METTL14: variants seen among roughly 807,000 people sequenced by gnomAD.
METTL14 encodes the protein methyltransferase 14, N6-adenosine-methyltransferase non-catalytic subunit, also known as N(6)-adenosine-methyltransferase non-catalytic subunit METTL14.
Under a neutral mutation model 62.4 loss-of-function variants are expected in METTL14, and 32 were observed. The observed-to-expected ratio is 0.51, with a 90% CI of 0.39 to 0.69. The LOEUF is 0.69. Among genes scored for constraint, METTL14 ranks in the 30% least tolerant of loss-of-function variants. The pLI, the probability that METTL14 is intolerant of heterozygous loss-of-function variation, is 0.00. For missense variants in METTL14, 340 were observed against 551.9 expected, an observed-to-expected ratio of 0.62 and a Z score of 3.85; for synonymous variants, 150 against 180.0, an observed-to-expected ratio of 0.83 and a Z score of 1.34.
intron 6 of METTL14, 101 bp from the exon 7 acceptor site, chr4:118,697,080 TA>T: frequency 1.2e-6 from 1 of 822,066 alleles, no homozygotes; most frequent in Non-Finnish European, 1.9e-6. Flanking sequence ...TGTTTAGTGA[TA>T]TCTAAGACAT....
chr4:118,690,296 C>T (rs1724207740), intron 3 of METTL14, among the ~76,000 whole-genome samples: 1 of 151,712 alleles, frequency 6.6e-6, no homozygotes, highest in South Asian at 2.1e-4. Flanking sequence ...CCTCGGCCTC[C>T]CAAAGTGCTG....
chr4:118,697,288 A>G lies in METTL14; in HGVS notation c.610A>G (p.Ile204Val), dbSNP rs1219084191. 6.2e-7 allele frequency: 1 copy of G among 1,609,758 alleles called. No homozygotes were observed. Among genetic ancestry groups the G allele is most frequent in the African/African-American group, 1.3e-5 (1 of 74,864 alleles). Reference sequence around the variant, plus strand: ...AGAAGAATATTACAGAGAAACTGGCATCACTGCTAATGAAAAATGCTGGAC... The same window carrying G: ...AGAAGAATATTACAGAGAAACTGGCGTCACTGCTAATGAAAAATGCTGGAC... ...PLEEYYRETGITANEKCWTWD... is the reference protein window; with the variant it reads ...PLEEYYRETGVTANEKCWTWD... The change falls in exon 7 of 11, where the codon ATC (isoleucine) becomes GTC (valine). Residue 204 changes from isoleucine (I) to valine (V), a missense_variant. Coordinates refer to ENST00000388822, the MANE Select transcript of METTL14 (RefSeq NM_020961.4).
intron 3 of METTL14, 122 bp downstream of exon 3, chr4:118,689,579 G>T (rs2110464696): frequency 1.9e-6 from 1 of 536,700 alleles, no homozygotes; most frequent in East Asian, 3.2e-5. Context: ...ATAATTGTCA[G>T]TGGCATATGT....
At chr4:118,694,563 T>C in intron 6 of METTL14, 37 bp downstream of exon 6, 1 of 1,487,044 alleles carries the variant, frequency 6.7e-7, no homozygotes, top group Non-Finnish European at 9.4e-7. Flanking sequence ...TATTCCCAAC[T>C]CAGGCTTAAA....
At chr4:118,696,981 TTAAGTC>T (rs929617677) in intron 6 of METTL14, among the ~76,000 whole-genome samples, 195 bp from the exon 7 acceptor site, 3 of 152,156 alleles carry the variant, frequency 2.0e-5, no homozygotes, top group African/African-American at 7.2e-5. Flanking sequence ...GGTAGATCGT[TTAAGTC>T]TATACTGAAG....
At chr4:118,700,353 T>C (rs1213750291) in intron 7 of METTL14, among the ~76,000 whole-genome samples, 197 bp from the exon 8 acceptor site, 1 of 152,190 alleles carries the variant, frequency 6.6e-6, no homozygotes, top group Non-Finnish European at 1.5e-5. Flanking sequence ...CAGGTGTGTA[T>C]GTTGTTTGTA....
chr4:118,690,064 A>C (rs1176498397), intron 3 of METTL14, among the ~76,000 whole-genome samples: 1 of 108,164 alleles, frequency 9.2e-6, no homozygotes, highest in Non-Finnish European at 1.8e-5. Flanking sequence ...TTTGTGAGAC[A>C]GAGTCTCACT....
Position 118,694,516 on chromosome 4 carries a change from A to T in METTL14, c.493A>T (p.Thr165Ser). The T allele has an allele frequency of 6.2e-7, 1 of 1,609,938 alleles. No individual in the cohort carries two copies. The highest frequency in any genetic ancestry group is 1.1e-5 in the South Asian group (1 of 90,584). ...GGATGAGTTAATAGCTAAATCTAAC[A>T]CTCCTCCCATGTAAGTGTTTTTATT... ...LKDELIAKSNTPPMYLQADIE... is the reference protein window; with the variant it reads ...LKDELIAKSNSPPMYLQADIE... Residue 165 changes from threonine to serine, a missense_variant, in exon 6 of 11, where the codon ACT becomes TCT. Coordinates refer to ENST00000388822, the MANE Select transcript of METTL14 (RefSeq NM_020961.4).
At chr4:118,691,919 C>T in intron 4 of METTL14, 62 bp from the exon 5 acceptor site, 1 of 1,050,142 alleles carries the variant, frequency 9.5e-7, no homozygotes, top group Non-Finnish European at 1.5e-6. Context: ...GAAAACAGTA[C>T]AGAGATAATT....
At chr4:118,692,198 C>T (rs1724269290) in intron 5 of METTL14, 130 bp downstream of exon 5, 6 of 579,718 alleles carry the variant, frequency 1.0e-5, no homozygotes, top group Non-Finnish European at 1.8e-5. Context: ...CTCAGTGCTT[C>T]TGGTATACCT....
Position 118,705,800 on chromosome 4 carries a change from A to G in METTL14, c.1045A>G (p.Arg349Gly), listed in dbSNP as rs765264830. 6.2e-7 allele frequency: 1 copy of G among 1,613,768 alleles called. No homozygotes were observed. The highest frequency in any genetic ancestry group is 8.5e-7 in the Non-Finnish European group (1 of 1,179,812). Residue 349 changes from arginine (R) to glycine (G), a missense_variant, in exon 10 of 11, where the codon AGA (arginine) becomes GGA (glycine). By Grantham distance (125) the Arg-to-Gly change is moderately radical. Transcript: ENST00000388822. ...LGRRRLHLFG[R>G]DSTIRPGWLT... ...TAGAAGACGCCTTCATCTATTTGGA[A>G]GAGATAGTACAATTCGACCAGGTAG...
At chr4:118,690,933 G>A (rs112086784) in intron 3 of METTL14, among the ~76,000 whole-genome samples, 2,051 of 152,192 alleles carry the variant, frequency 0.013, 44 homozygotes, top group African/African-American at 0.047. Flanking sequence ...ATAGTTGAAA[G>A]TATTATGGTC....
intron 1 of METTL14, among the ~76,000 whole-genome samples, chr4:118,687,419 TAA>T (rs564368148): frequency 5.8e-4 from 88 of 152,326 alleles, no homozygotes; most frequent in African/African-American, 2.0e-3. Context: ...GGAAATTGGC[TAA>T]AGTGTCTTAT....
chr4:118,702,891 A>G (rs1724639475), intron 8 of METTL14, among the ~76,000 whole-genome samples: 1 of 148,956 alleles, frequency 6.7e-6, no homozygotes, highest in African/African-American at 2.5e-5. Context: ...TTCAGGGGGA[A>G]CTCCCAACAG....
At chr4:118,685,655 G>T in intron 1 of METTL14, 55 bp downstream of exon 1, 2 of 1,489,000 alleles carry the variant, frequency 1.3e-6, no homozygotes, top group East Asian at 2.4e-5. Context: ...GTGCGCGGCC[G>T]CCTCCTCCCT....
At chr4:118,702,196 T>C (rs1158318546) in intron 8 of METTL14, among the ~76,000 whole-genome samples, 1 of 150,860 alleles carries the variant, frequency 6.6e-6, no homozygotes, top group Admixed American at 6.6e-5. Context: ...CTTGGCTCCC[T>C]GCAAAACTCT....
rs990527529 is a variant in METTL14 at position 118,712,043 on chromosome 4, A to T, written c.*1741A>T. 1.3e-5 allele frequency: 2 copies of T among 152,234 alleles called. No individual in the cohort carries two copies. Among genetic ancestry groups the T allele is most frequent in the Non-Finnish European group, 2.9e-5 (2 of 68,046 alleles). 9.4% of individuals were successfully genotyped at this position (152,234 alleles called of 1,614,324 possible). A position where few individuals can be genotyped will look rare whatever the true frequency, so the allele number is the denominator to read the frequency against. On this transcript the variant is annotated 3_prime_UTR_variant, in exon 11 of 11. Transcript: ENST00000388822. Reference sequence around the variant, plus strand: ...CGGTTGAAAGTTAAGGGGAGCCATGATCTACCATATTTAGGAAAAAGTTAT... The same window carrying T: ...CGGTTGAAAGTTAAGGGGAGCCATGTTCTACCATATTTAGGAAAAAGTTAT...
At chr4:118,697,784 C>T (rs1579071023) in intron 7 of METTL14, among the ~76,000 whole-genome samples, 2 of 151,982 alleles carry the variant, frequency 1.3e-5, no homozygotes, top group East Asian at 3.9e-4. Context: ...GTTGATTAAA[C>T]GATGGAGTCC....
intron 3 of METTL14, among the ~76,000 whole-genome samples, chr4:118,690,423 A>G (rs1724211185): frequency 6.6e-6 from 1 of 151,996 alleles, no homozygotes; most frequent in African/African-American, 2.4e-5. Context: ...TCACGCTTGT[A>G]ATCCCAGCAC....
Sources: allele counts gnomAD v4.1 joint callset (sites outside exome capture counted in the v4.1 genomes callset), GRCh38; gene constraint gnomAD v4.1.1; transcripts MANE v1.5; gene names NCBI Gene and HGNC (gene_info 2026-07-23, HGNC 2026-07-21).